Variants in XIRP2 observed in about 807,000 individuals in gnomAD.
XIRP2 encodes xin actin binding repeat containing 2.
XIRP2 carries 236 observed loss-of-function variants against 277.0 expected under a neutral mutation model. The observed-to-expected ratio is 0.85, with a 90% CI of 0.77 to 0.95. XIRP2 has a LOEUF of 0.95. Ranked by LOEUF, XIRP2 falls within the 40% of genes least tolerant of loss-of-function variation. XIRP2 has a pLI of 0.00. For synonymous variants in XIRP2, 1,490 were observed against 1,416.5 expected, an observed-to-expected ratio of 1.05 and a Z score of -1.17; for missense variants, 4,640 against 4,157.5, an observed-to-expected ratio of 1.12 and a Z score of -3.19.
chr2:167,122,563 C>T (rs1691087396), intron 2 of XIRP2, among the ~76,000 whole-genome samples: 1 of 152,076 alleles, frequency 6.6e-6, no homozygotes, highest in Admixed American at 6.6e-5. Flanking sequence ...GCAATCTGGC[C>T]TCTCTGACAG....
At chr2:166,897,453 C>T (rs1684272943) in intron 1 of XIRP2, among the ~76,000 whole-genome samples, 1 of 152,006 alleles carries the variant, frequency 6.6e-6, no homozygotes, top group South Asian at 2.1e-4. Context: ...ATCACCGTGA[C>T]CTACTGTTGG....
At chr2:166,976,439 C>T (rs189348103) in intron 2 of XIRP2, among the ~76,000 whole-genome samples, 16 of 152,070 alleles carry the variant, frequency 1.1e-4, no homozygotes, top group Admixed American at 9.2e-4. Context: ...TCTATTATTC[C>T]ACTTTTTCTT....
intron 3 of XIRP2, among the ~76,000 whole-genome samples, chr2:167,148,925 G>A (rs1484342666): frequency 6.6e-6 from 1 of 151,878 alleles, no homozygotes. Context: ...AATCTAGGAT[G>A]GTAGAACTTT....
rs1384402955 is a variant in XIRP2 at position 167,250,462 on chromosome 2, G to T, written c.9070G>T (p.Val3024Leu). 1 of 1,613,202 alleles carries T rather than the reference G, an allele frequency of 6.2e-7. No individual in the cohort carries two copies. The highest frequency in any genetic ancestry group is 1.3e-5 in the African/African-American group (1 of 74,804). ...HIKTQAEDML[V>L]SYENIIQTAM... The stretch of plus-strand genomic sequence containing the variant: ...TAAAACTCAAGCGGAAGATATGCTT[G>T]TGTCCTATGAAAATATAATTCAGAC... The change falls in exon 9 of 11, where the codon GTG (valine) becomes TTG (leucine). Residue 3024 changes from valine to leucine, a missense_variant. By Grantham distance (32) the Val-to-Leu change is conservative. Coordinates refer to ENST00000409195, the MANE Select transcript of XIRP2 (RefSeq NM_152381.6).
chr2:167,203,600 G>GT (rs1182789717), intron 3 of XIRP2, among the ~76,000 whole-genome samples: 7 of 152,222 alleles, frequency 4.6e-5, no homozygotes, highest in Non-Finnish European at 1.0e-4. Context: ...TCTTCTCCAT[G>GT]TTTTTTAAGA....
At chr2:167,118,133 T>C (rs1690946157) in intron 2 of XIRP2, among the ~76,000 whole-genome samples, 1 of 152,152 alleles carries the variant, frequency 6.6e-6, no homozygotes. Flanking sequence ...TGTGGCCTTT[T>C]GAGAGGTGTT....
intron 2 of XIRP2, among the ~76,000 whole-genome samples, chr2:167,039,507 A>G (rs1688606235): frequency 6.6e-6 from 1 of 152,212 alleles, no homozygotes; most frequent in Non-Finnish European, 1.5e-5. Flanking sequence ...ATATCTGTCT[A>G]GAGGAAGTCA....
chr2:167,184,583 C>T, intron 3 of XIRP2: 1 of 717,484 alleles, frequency 1.4e-6, no homozygotes, highest in Non-Finnish European at 2.6e-6. Context: ...CAGGCTCCAC[C>T]TGCATCCAAA....
intron 3 of XIRP2, among the ~76,000 whole-genome samples, chr2:167,165,565 G>A (rs1310057251): frequency 6.6e-6 from 1 of 152,170 alleles, no homozygotes; most frequent in Admixed American, 6.5e-5. Context: ...TTCTCTCATT[G>A]TTGTTTTAAC....
chr2:167,173,340 C>G (rs1479602561), intron 3 of XIRP2, among the ~76,000 whole-genome samples: 1 of 152,130 alleles, frequency 6.6e-6, no homozygotes, highest in African/African-American at 2.4e-5. Flanking sequence ...GACTTCAATG[C>G]TTTGGTTTTT....
At chr2:167,082,170 C>G (rs1233332149) in intron 2 of XIRP2, among the ~76,000 whole-genome samples, 1 of 150,216 alleles carries the variant, frequency 6.7e-6, no homozygotes, top group Non-Finnish European at 1.5e-5. Context: ...TGTTCAATTC[C>G]CACCTGTGAG....
intron 2 of XIRP2, among the ~76,000 whole-genome samples, chr2:166,959,770 A>C (rs906540385): frequency 2.3e-4 from 35 of 151,844 alleles, no homozygotes; most frequent in African/African-American, 8.2e-4. Flanking sequence ...GCACTGAAGA[A>C]AACGAGTTTC....
intron 2 of XIRP2, among the ~76,000 whole-genome samples, chr2:166,916,898 T>C (rs1175792655): frequency 6.6e-6 from 1 of 152,112 alleles, no homozygotes; most frequent in African/African-American, 2.4e-5. Flanking sequence ...CCACCTAATT[T>C]TTCTGAAGAC....
At chr2:167,204,877 T>A (rs991319425) in intron 3 of XIRP2, among the ~76,000 whole-genome samples, 1 of 152,246 alleles carries the variant, frequency 6.6e-6, no homozygotes, top group African/African-American at 2.4e-5. Context: ...CTACTTCTAT[T>A]TCTCCAAAGA....
chr2:166,906,543 T>A (rs1457000902), intron 2 of XIRP2, among the ~76,000 whole-genome samples: 1 of 152,136 alleles, frequency 6.6e-6, no homozygotes, highest in African/African-American at 2.4e-5. Context: ...GTTTTTAATC[T>A]AAATATTTTT....
At chr2:166,945,444 A>C (rs999794092) in intron 2 of XIRP2, among the ~76,000 whole-genome samples, 2 of 152,082 alleles carry the variant, frequency 1.3e-5, no homozygotes, top group Non-Finnish European at 2.9e-5. Context: ...TGAGAGCTGT[A>C]AAAAGTAAAT....
chr2:166,965,990 GTTTATT>G (rs1367685107), intron 2 of XIRP2, among the ~76,000 whole-genome samples: 1 of 151,554 alleles, frequency 6.6e-6, no homozygotes, highest in Non-Finnish European at 1.5e-5. Flanking sequence ...ATTTGCACAT[GTTTATT>G]TTTAAAGTAC....
chr2:167,062,547 T>C (rs1415969799), intron 2 of XIRP2, among the ~76,000 whole-genome samples: 1 of 152,126 alleles, frequency 6.6e-6, no homozygotes, highest in African/African-American at 2.4e-5. Flanking sequence ...TGGGAATTAT[T>C]CTCCCCTCTT....
At chr2:167,029,432 C>T (rs558170374) in intron 2 of XIRP2, among the ~76,000 whole-genome samples, 12 of 152,132 alleles carry the variant, frequency 7.9e-5, no homozygotes, top group South Asian at 4.1e-4. Flanking sequence ...TAAATTTTAT[C>T]GAACGCCTTT....
Sources: allele counts gnomAD v4.1 joint callset (sites outside exome capture counted in the v4.1 genomes callset), GRCh38; gene constraint gnomAD v4.1.1; transcripts MANE v1.5; gene names NCBI Gene and HGNC (gene_info 2026-07-23, HGNC 2026-07-21).